Variants in CBLN2 observed in about 807,000 individuals in gnomAD.
CBLN2 encodes the protein cerebellin-2.
Under a neutral mutation model 15.0 loss-of-function variants are expected in CBLN2, and 7 were observed. That is an observed-to-expected ratio of 0.47 (90% CI 0.27 to 0.88). The LOEUF (loss-of-function observed/expected upper bound fraction) is 0.88, where lower values mean the gene tolerates loss of function less well. Among genes scored for constraint, CBLN2 ranks in the 40% least tolerant of loss-of-function variants. The pLI is 0.14. For synonymous variants in CBLN2, 149 were observed against 135.2 expected, an observed-to-expected ratio of 1.10 and a Z score of -0.71; for missense variants, 242 against 304.5, an observed-to-expected ratio of 0.79 and a Z score of 1.53.
chr18:72,598,847 G>GTGCA (rs2069529389), intron 1 of CBLN2, among the ~76,000 whole-genome samples: 1 of 152,206 alleles, frequency 6.6e-6, no homozygotes. Flanking sequence ...CTGAGTTCCA[G>GTGCA]TGCAAAGTCC....
intron 1 of CBLN2, among the ~76,000 whole-genome samples, chr18:72,554,541 C>T (rs2069211784): frequency 2.0e-5 from 3 of 151,488 alleles, no homozygotes; most frequent in East Asian, 1.9e-4. Context: ...AGTATATACA[C>T]GTATCATAAC....
chr18:72,558,309 A>T (rs2069239254), intron 1 of CBLN2, among the ~76,000 whole-genome samples: 1 of 152,192 alleles, frequency 6.6e-6, no homozygotes, highest in African/African-American at 2.4e-5. Context: ...CTGATGGGGG[A>T]TACCCCATGG....
chr18:72,541,542 A>C (rs1257204758), intron 3 of CBLN2, among the ~76,000 whole-genome samples: 5 of 152,204 alleles, frequency 3.3e-5, no homozygotes, highest in South Asian at 4.1e-4. Flanking sequence ...AACTCTTAGA[A>C]AGCTTAGACA....
At chr18:72,628,314 G>T (rs1286740486) in intron 1 of CBLN2, among the ~76,000 whole-genome samples, 1 of 152,216 alleles carries the variant, frequency 6.6e-6, no homozygotes, top group Non-Finnish European at 1.5e-5. Context: ...CAGGAGGCAG[G>T]CTCTGCACTG....
In CBLN2 at chr18:72,543,211, A is replaced by G. The variant is rs2069131635; in HGVS notation, c.-167+275T>C. 1 of 321,490 alleles carries G rather than the reference A, an allele frequency of 3.1e-6. No homozygotes were observed. Among genetic ancestry groups the G allele is most frequent in the African/African-American group, 2.1e-5 (1 of 46,710 alleles). 19.9% of individuals were successfully genotyped at this position (321,490 alleles called of 1,614,324 possible). On this transcript the variant is annotated intron_variant, in intron 2 of 4. Transcript: ENST00000269503. This position sits in a 1 kb window ranked among gnomAD's most constrained non-coding sequence, Gnocchi z 6.8. ...TTGCCCCGTCCCCGCTCCTCCCAGG[A>G]AAGCAGACAGGCCATTTCAATACCA...
At chr18:72,601,716 C>T (rs1461448337) in intron 1 of CBLN2, among the ~76,000 whole-genome samples, 2 of 152,088 alleles carry the variant, frequency 1.3e-5, no homozygotes, top group African/African-American at 4.8e-5. Flanking sequence ...ACAGCGTCCC[C>T]ACCCCATTTT....
intron 1 of CBLN2, among the ~76,000 whole-genome samples, chr18:72,570,536 C>G (rs924635238): frequency 1.3e-5 from 2 of 152,032 alleles, no homozygotes; most frequent in South Asian, 2.1e-4. Context: ...GCGTGAGCCA[C>G]TGTGCCCAGC....
In CBLN2 at chr18:72,543,114, G is replaced by C; in HGVS notation, c.-167+372C>G. 4 of 186,506 alleles carry C rather than the reference G, an allele frequency of 2.1e-5. No individual in the cohort carries two copies. Among genetic ancestry groups the C allele is most frequent in the Non-Finnish European group, 3.3e-5 (3 of 90,626 alleles). 11.6% of individuals were successfully genotyped at this position (186,506 alleles called of 1,614,324 possible). On this transcript the variant is annotated intron_variant, in intron 2 of 4. Coordinates refer to ENST00000269503, the MANE Select transcript of CBLN2 (RefSeq NM_182511.4). This position sits in a 1 kb window ranked among gnomAD's most constrained non-coding sequence, Gnocchi z 6.8. ...TCTCCAGCTCTGGTTTCCAGACCAC[G>C]GGGATTCTCTCTTTCTCAGCGGGGC...
chr18:72,600,573 T>C (rs1046937442), intron 1 of CBLN2, among the ~76,000 whole-genome samples: 3 of 151,850 alleles, frequency 2.0e-5, no homozygotes, highest in African/African-American at 7.3e-5. Flanking sequence ...ATGATGAGAG[T>C]TAGGGGCCTG....
chr18:72,570,240 A>G (rs2069322284), intron 1 of CBLN2, among the ~76,000 whole-genome samples: 1 of 149,240 alleles, frequency 6.7e-6, no homozygotes, highest in Non-Finnish European at 1.5e-5. Context: ...TCATTAAGTT[A>G]GCACTTGTGA....
At chr18:72,615,391 C>G (rs772794264) in intron 1 of CBLN2, among the ~76,000 whole-genome samples, 9 of 150,660 alleles carry the variant, frequency 6.0e-5, no homozygotes, top group Non-Finnish European at 1.3e-4. Flanking sequence ...ATTCTCCTGC[C>G]TCAGCCTCCA....
chr18:72,630,326 T>C (rs2069766570), intron 1 of CBLN2, among the ~76,000 whole-genome samples: 1 of 152,238 alleles, frequency 6.6e-6, no homozygotes, highest in Non-Finnish European at 1.5e-5. Context: ...GTCCTTACTT[T>C]TAGCATTATA....
intron 1 of CBLN2, among the ~76,000 whole-genome samples, chr18:72,630,495 AACACAC>A (rs3030024): frequency 1.1e-3 from 156 of 140,492 alleles, no homozygotes; most frequent in Non-Finnish European, 1.9e-3. Flanking sequence ...CTACTGCTCC[AACACAC>A]ACACACACAC....
At chr18:72,541,483 G>A (rs1333132488) in intron 3 of CBLN2, among the ~76,000 whole-genome samples, 1 of 152,146 alleles carries the variant, frequency 6.6e-6, no homozygotes, top group Admixed American at 6.5e-5. Context: ...AAAGTAAAAC[G>A]TGCAATGCTT....
chr18:72,553,664 C>A (rs2069205613), intron 1 of CBLN2, among the ~76,000 whole-genome samples: 1 of 152,050 alleles, frequency 6.6e-6, no homozygotes, highest in African/African-American at 2.4e-5. Flanking sequence ...AGCAAAAGAG[C>A]TAACTCATCA....
intron 1 of CBLN2, chr18:72,638,308 A>G (rs1207790265): frequency 2.5e-5 from 10 of 398,578 alleles, no homozygotes; most frequent in African/African-American, 2.1e-4. Flanking sequence ...TGTCTAGCCT[A>G]AAGTTTTAAC....
At chr18:72,619,832 C>G (rs1029795925) in intron 1 of CBLN2, among the ~76,000 whole-genome samples, 14 of 152,180 alleles carry the variant, frequency 9.2e-5, no homozygotes, top group African/African-American at 3.4e-4. Flanking sequence ...TTCTTGACCC[C>G]TTAATGGGAT....
upstream of CBLN2, among the ~76,000 whole-genome samples, chr18:72,547,652 C>T (rs2069166999): frequency 6.6e-6 from 1 of 151,468 alleles, no homozygotes; most frequent in Non-Finnish European, 1.5e-5. Context: ...ACATAATATA[C>T]ATAAATAATA....
chr18:72,538,446 AT>A, intron 4 of CBLN2, 73 bp from the exon 5 acceptor site: 9 of 1,535,162 alleles, frequency 5.9e-6, no homozygotes, highest in Non-Finnish European at 8.1e-6. Context: ...TCCTTTGCCA[AT>A]ATCCCCACTC....
Sources: allele counts gnomAD v4.1 joint callset (sites outside exome capture counted in the v4.1 genomes callset), GRCh38; gene constraint gnomAD v4.1.1; non-coding constraint Gnocchi (gnomAD v3.1); transcripts MANE v1.5; gene names NCBI Gene and HGNC (gene_info 2026-07-23, HGNC 2026-07-21).